Variants in DPP6 observed in about 807,000 individuals in gnomAD.
DPP6 encodes dipeptidyl peptidase like 6.
A neutral mutation model predicts 122.6 loss-of-function variants in DPP6; 69 were observed. The observed-to-expected ratio is 0.56, with a 90% CI of 0.46 to 0.69. The LOEUF is 0.69. DPP6 is among the 30% of genes least tolerant of loss of function. DPP6 has a pLI of 0.00. For missense variants in DPP6, 928 were observed against 1,116.9 expected (o/e 0.83, Z 2.41); for synonymous variants, 418 against 433.1 (o/e 0.97, Z 0.43).
chr7:154,044,416 C>T (rs1336670350), intron 1 of DPP6, among the ~76,000 whole-genome samples: 1 of 152,158 alleles, frequency 6.6e-6, no homozygotes, highest in Non-Finnish European at 1.5e-5. Context: ...TGAGAACCCA[C>T]ATGTATGCAT....
At chr7:153,987,368 A>G (rs576924212) in intron 1 of DPP6, among the ~76,000 whole-genome samples, 1 of 152,218 alleles carries the variant, frequency 6.6e-6, no homozygotes, top group Non-Finnish European at 1.5e-5. Flanking sequence ...TTGTGAACTG[A>G]ACAGGCTTAG....
At chr7:154,879,035 C>T (rs566008929) in intron 20 of DPP6, among the ~76,000 whole-genome samples, 28 of 152,366 alleles carry the variant, frequency 1.8e-4, no homozygotes, top group Admixed American at 1.8e-3. Flanking sequence ...GACGCCAGGA[C>T]ATCCATCCTT....
chr7:154,706,202 C>G (rs959121471), intron 7 of DPP6, among the ~76,000 whole-genome samples: 2 of 152,216 alleles, frequency 1.3e-5, no homozygotes, highest in African/African-American at 4.8e-5. Flanking sequence ...CCTCTCACCG[C>G]CTGCCTTGGC....
Position 154,281,592 on chromosome 7 carries a change from T to A in DPP6, c.244-164622T>A, listed in dbSNP as rs115131364. Among the ~76,000 whole-genome samples the A allele has an allele frequency of 2.8e-3, 421 of 152,292 alleles. 2 individuals carry two copies. The highest frequency in any genetic ancestry group is 9.8e-3 in the African/African-American group (406 of 41,578). On this transcript the variant is annotated intron_variant, in intron 1 of 25. Coordinates refer to ENST00000377770, the MANE Select transcript of DPP6 (RefSeq NM_130797.4). ...TAAAAAATCAAATATAGCAACAAAGTACAAAGATTTACCACCACTGACTAT... is the reference window on the plus strand; with the variant it reads ...TAAAAAATCAAATATAGCAACAAAGAACAAAGATTTACCACCACTGACTAT...
At chr7:154,477,752 C>T (rs1021776366) in intron 3 of DPP6, among the ~76,000 whole-genome samples, 1 of 152,126 alleles carries the variant, frequency 6.6e-6, no homozygotes, top group East Asian at 1.9e-4. Flanking sequence ...GGCTATGTGC[C>T]CAGCAGAAAA....
At chr7:154,095,004 G>C (rs2626665) in intron 1 of DPP6, 19 of 149,762 alleles carry the variant, frequency 1.3e-4, no homozygotes, top group East Asian at 4.0e-4. Flanking sequence ...CCACTCCAGG[G>C]AGGGAGCTCT....
chr7:154,576,664 G>A (rs1831694467), intron 5 of DPP6, among the ~76,000 whole-genome samples: 1 of 152,150 alleles, frequency 6.6e-6, no homozygotes, highest in African/African-American at 2.4e-5. Flanking sequence ...GAATGCAAGA[G>A]CGGTCTCAGC....
At chr7:154,423,895 G>C (rs1374506130) in intron 1 of DPP6, among the ~76,000 whole-genome samples, 1 of 152,182 alleles carries the variant, frequency 6.6e-6, no homozygotes, top group Non-Finnish European at 1.5e-5. Context: ...ACTCACAGAG[G>C]CAAAGAAACA....
exon 1 of DPP6, chr7:153,887,560 T>G: frequency 2.6e-6 from 3 of 1,133,288 alleles, no homozygotes; most frequent in East Asian, 2.6e-5. Context: ...GGAAGATTTT[T>G]TTTTCCTTCA....
At chr7:154,859,553 C>CCCAAAA (rs1490167778) in intron 17 of DPP6, among the ~76,000 whole-genome samples, 1 of 152,238 alleles carries the variant, frequency 6.6e-6, no homozygotes. Context: ...CCTCCTCTCC[C>CCCAAAA]CCACTGACCC....
intron 1 of DPP6, among the ~76,000 whole-genome samples, chr7:154,299,975 G>A (rs971628409): frequency 6.6e-6 from 1 of 152,190 alleles, no homozygotes; most frequent in Non-Finnish European, 1.5e-5. Context: ...TCTGGAGGGG[G>A]GAGAATGGCT....
At chr7:153,872,238 T>A in the DPP6 span, among the ~76,000 whole-genome samples, 1 of 152,184 alleles carries the variant, frequency 6.6e-6, no homozygotes, top group Non-Finnish European at 1.5e-5. Flanking sequence ...ACCTGCTGGA[T>A]CAGGGTATGG....
chr7:154,540,483 A>T (rs2130249513), intron 3 of DPP6, 49 bp from the exon 4 acceptor site: 1 of 1,161,988 alleles, frequency 8.6e-7, no homozygotes. Context: ...AAAGTTGAGG[A>T]GAGTTCCTTG....
At chr7:154,220,246 T>C (rs1800227708) in intron 1 of DPP6, among the ~76,000 whole-genome samples, 1 of 152,174 alleles carries the variant, frequency 6.6e-6, no homozygotes, top group South Asian at 2.1e-4. Flanking sequence ...TTCAGAGAGC[T>C]GCCTGGCCCT....
intron 7 of DPP6, among the ~76,000 whole-genome samples, chr7:154,713,114 G>A (rs952231514): frequency 1.3e-5 from 2 of 152,216 alleles, no homozygotes; most frequent in Non-Finnish European, 2.9e-5. Context: ...AAATCCAATA[G>A]GGCAGTCATT....
At position 153,967,276 on chromosome 7, in the gene DPP6, A is replaced by G. The variant is rs1044324822; in HGVS notation, c.51+79542A>G. On this transcript the variant is annotated intron_variant, in intron 1 of 25. Transcript: ENST00000404039. ...CAGTTGGGGTCATATTCCAGGTCCA[A>G]TGCATTTTCCCATCCCTGATAAGCT... Among the ~76,000 whole-genome samples the G allele has an allele frequency of 5.9e-5, 9 of 152,088 alleles. No individual in the cohort carries two copies. In the South Asian group the frequency reaches 8.3e-4, roughly 14 times the overall value.
chr7:154,137,434 A>G (rs1383575351), intron 1 of DPP6, among the ~76,000 whole-genome samples: 1 of 151,844 alleles, frequency 6.6e-6, no homozygotes, highest in African/African-American at 2.4e-5. Context: ...GCAATCTTCC[A>G]GTAAATGTCT....
chr7:153,771,813 A>T, the DPP6 span, among the ~76,000 whole-genome samples: 1 of 152,226 alleles, frequency 6.6e-6, no homozygotes, highest in Non-Finnish European at 1.5e-5. Flanking sequence ...GAAAAAACAT[A>T]TTAAAAGAAT....
chr7:154,717,298 ACT>A (rs1841541746), intron 7 of DPP6, among the ~76,000 whole-genome samples: 1 of 152,158 alleles, frequency 6.6e-6, no homozygotes, highest in Admixed American at 6.5e-5. Context: ...TTATTACCCA[ACT>A]GTGTAATGGA....
Sources: gnomAD v4.1 joint callset for allele counts (sites outside exome capture counted in the v4.1 genomes callset) on GRCh38, gnomAD v4.1.1 for gene constraint, MANE v1.5 for transcripts, NCBI Gene and HGNC (gene_info 2026-07-23, HGNC 2026-07-21) for gene names.